CSMD3: variants seen among roughly 807,000 people sequenced by gnomAD.
CSMD3 encodes the protein CUB and sushi domain-containing protein 3.
Under a neutral mutation model 435.2 loss-of-function variants are expected in CSMD3, and 177 were observed. The observed-to-expected ratio is 0.41, with a 90% CI of 0.36 to 0.46. The LOEUF is 0.46. CSMD3 is among the 20% of genes least tolerant of loss of function. The probability of loss-of-function intolerance (pLI) is 0.34; values close to 1 mark genes in which losing one functional copy is unlikely to be tolerated. For synonymous variants in CSMD3, 1,656 were observed against 1,520.5 expected (o/e 1.09, Z -2.07); for missense variants, 4,265 against 4,504.6 (o/e 0.95, Z 1.52).
At chr8:112,752,776 T>G (rs912299804) in intron 13 of CSMD3, among the ~76,000 whole-genome samples, 1 of 152,174 alleles carries the variant, frequency 6.6e-6, no homozygotes, top group Non-Finnish European at 1.5e-5. Flanking sequence ...TGTATCTTTA[T>G]TATCTAGAGT....
At chr8:112,651,003 T>A (rs1188970044) in intron 18 of CSMD3, among the ~76,000 whole-genome samples, 1 of 152,188 alleles carries the variant, frequency 6.6e-6, no homozygotes, top group East Asian at 1.9e-4. Context: ...GTGGGTGTCC[T>A]GTGCATTGGA....
At chr8:113,119,320 G>T (rs941869963) in intron 4 of CSMD3, among the ~76,000 whole-genome samples, 2 of 152,048 alleles carry the variant, frequency 1.3e-5, no homozygotes, top group African/African-American at 2.4e-5. Context: ...TCTAACAATA[G>T]CTCTAAGAGA....
At chr8:112,307,864 C>A (rs115384658) in intron 50 of CSMD3, among the ~76,000 whole-genome samples, 1 of 152,082 alleles carries the variant, frequency 6.6e-6, no homozygotes, top group Non-Finnish European at 1.5e-5. Flanking sequence ...ATTATAAATG[C>A]TATGTACTAT....
At chr8:112,648,924 G>T (rs2075052629) in intron 19 of CSMD3, among the ~76,000 whole-genome samples, 1 of 152,126 alleles carries the variant, frequency 6.6e-6, no homozygotes, top group Non-Finnish European at 1.5e-5. Context: ...CTTCACTAGA[G>T]TTACTAGTTT....
chr8:112,223,420 A>C lies in CSMD3; in HGVS notation c.*1351T>G, dbSNP rs1427406411. 1 of 213,308 alleles carries C rather than the reference A, an allele frequency of 4.7e-6. No individual in the cohort carries two copies. The highest frequency in any genetic ancestry group is 9.0e-6 in the Non-Finnish European group (1 of 111,712). 13.2% of individuals were successfully genotyped at this position (213,308 alleles called of 1,614,324 possible). A position where few individuals can be genotyped will look rare whatever the true frequency, so the allele number is the denominator to read the frequency against. ...CAACAACAAAGAGTTAACACTGGGT[A>C]CATGATCGTATTCAATGAAGTAAAA... On this transcript the variant is annotated 3_prime_UTR_variant, in exon 71 of 71. Transcript: ENST00000297405.
intron 11 of CSMD3, among the ~76,000 whole-genome samples, chr8:112,855,018 A>G (rs1489895865): frequency 6.6e-6 from 1 of 152,212 alleles, no homozygotes; most frequent in Non-Finnish European, 1.5e-5. Flanking sequence ...TGCTAGATAC[A>G]TTCTAGATTT....
chr8:112,610,412 T>A (rs1032308044), intron 22 of CSMD3, among the ~76,000 whole-genome samples: 3 of 152,204 alleles, frequency 2.0e-5, no homozygotes, highest in Admixed American at 6.5e-5. Flanking sequence ...CTCCCTGTTC[T>A]TTGGGTCTCA....
intron 6 of CSMD3, among the ~76,000 whole-genome samples, chr8:112,993,455 T>C (rs940792970): frequency 2.0e-5 from 3 of 151,830 alleles, no homozygotes; most frequent in Non-Finnish European, 4.4e-5. Flanking sequence ...GGATTCTTTA[T>C]TGAATTAAGA....
chr8:112,281,116 T>A lies in CSMD3; in HGVS notation c.9508+58A>T. 2.4e-6 allele frequency: 3 copies of A among 1,263,828 alleles called. No individual in the cohort carries two copies. In the South Asian group the frequency reaches 3.7e-5, roughly 15 times the overall value. The allele number at this position is 1,263,828 out of a possible 1,614,324, so 78.3% of individuals were successfully genotyped here. Reference sequence around the variant, plus strand: ...ATTACAAAACACACAAAAATACTTATATACTCATCAATACTTTCATATAAT... The same window carrying A: ...ATTACAAAACACACAAAAATACTTAAATACTCATCAATACTTTCATATAAT... On this transcript the variant is annotated intron_variant, in intron 59 of 70. Coordinates refer to ENST00000297405, the MANE Select transcript of CSMD3 (RefSeq NM_198123.2).
In CSMD3 at chr8:113,336,882, A is replaced by G. The variant is rs937853318; in HGVS notation, c.179-22089T>C. Among the ~76,000 whole-genome samples the G allele has an allele frequency of 2.0e-5, 3 of 152,128 alleles. No homozygotes were observed. In the East Asian group the frequency reaches 5.8e-4, roughly 29 times the overall value. On this transcript the variant is annotated intron_variant, in intron 1 of 70. Coordinates refer to ENST00000297405, the MANE Select transcript of CSMD3 (RefSeq NM_198123.2). ...TTCTAGCTCTTTCAAGCACCACCAC[A>G]GTGAGGGTGTTGGAACACCTTCTTG...
At chr8:112,762,585 T>G (rs1176240276) in intron 13 of CSMD3, among the ~76,000 whole-genome samples, 2 of 151,964 alleles carry the variant, frequency 1.3e-5, no homozygotes, top group Non-Finnish European at 2.9e-5. Flanking sequence ...CAATATGGCA[T>G]ACGAAGAAGT....
In CSMD3 at chr8:112,247,118, A is replaced by G. The variant is rs2130158429; in HGVS notation, c.10124T>C (p.Val3375Ala). ...GTGTCCTTTTTTGCAATGGAACTGT[A>G]CAACACTTCCTACCTATAGCAAATT... ...NTFGFQVGSV[V>A]QFHCKKGHLL... is the part of the protein sequence containing the mutation. Residue 3375 changes from valine (V) to alanine (A), a missense_variant, in exon 64 of 71, where the codon GTA becomes GCA. By Grantham distance (64) the Val-to-Ala change is moderately conservative (BLOSUM62 0). Transcript: ENST00000297405. 1.2e-6 allele frequency: 2 copies of G among 1,609,100 alleles called. No homozygotes were observed. The highest frequency in any genetic ancestry group is 1.7e-6 in the Non-Finnish European group (2 of 1,175,622).
intron 51 of CSMD3, 29 bp downstream of exon 51, chr8:112,305,978 A>G: frequency 1.3e-6 from 2 of 1,583,144 alleles, no homozygotes; most frequent in Non-Finnish European, 1.7e-6. Context: ...AGAGAAAAAC[A>G]AGTGATGAAA....
At chr8:112,698,525 A>C in intron 13 of CSMD3, among the ~76,000 whole-genome samples, 1 of 152,132 alleles carries the variant, frequency 6.6e-6, no homozygotes, top group Middle Eastern at 3.2e-3. Flanking sequence ...GGGATGGACA[A>C]GGAAAAAGAT....
At chr8:112,668,768 AG>A (rs1464096380) in intron 16 of CSMD3, among the ~76,000 whole-genome samples, 1 of 151,904 alleles carries the variant, frequency 6.6e-6, no homozygotes, top group Non-Finnish European at 1.5e-5. Context: ...TACCACCAAG[AG>A]GGGAGAGACA....
chr8:112,580,294 T>C (rs71528423), intron 23 of CSMD3, among the ~76,000 whole-genome samples: 8 of 151,894 alleles, frequency 5.3e-5, no homozygotes, highest in Non-Finnish European at 1.0e-4. Flanking sequence ...CAATATCCTA[T>C]GCCACTTTGA....
rs1042933806 is a variant in CSMD3 at position 112,898,226 on chromosome 8, G to C, written c.1633+23401C>G. Among the ~76,000 whole-genome samples, 6 of 151,126 alleles carry C rather than the reference G, an allele frequency of 4.0e-5. No individual in the cohort carries two copies. The East Asian group carries it at 1.2e-3, about 30-fold the overall frequency. On this transcript the variant is annotated intron_variant, in intron 10 of 70. Coordinates refer to ENST00000297405, the MANE Select transcript of CSMD3 (RefSeq NM_198123.2). ...ACATCCTTTCTAGTGCTTGAAGATA[G>C]TGATATTGGTGGACTGATTTCAAAG...
intron 36 of CSMD3, among the ~76,000 whole-genome samples, chr8:112,386,978 C>A (rs955442595): frequency 6.6e-6 from 1 of 152,100 alleles, no homozygotes; most frequent in Non-Finnish European, 1.5e-5. Flanking sequence ...TATAAAATCA[C>A]GATAATCATG....
At chr8:112,723,721 A>G (rs964416140) in intron 13 of CSMD3, among the ~76,000 whole-genome samples, 2 of 152,184 alleles carry the variant, frequency 1.3e-5, no homozygotes, top group African/African-American at 4.8e-5. Context: ...TGCTGACAGC[A>G]TAACTTTGGG....
Sources: gnomAD v4.1 joint callset for allele counts (sites outside exome capture counted in the v4.1 genomes callset) on GRCh38, gnomAD v4.1.1 for gene constraint, MANE v1.5 for transcripts, NCBI Gene and HGNC (gene_info 2026-07-23, HGNC 2026-07-21) for gene names.